Variants in TFPI observed in about 807,000 individuals in gnomAD.
TFPI encodes the protein tissue factor pathway inhibitor.
TFPI carries 15 observed loss-of-function variants against 34.6 expected under a neutral mutation model. That is an observed-to-expected ratio of 0.43 (90% CI 0.29 to 0.67). The LOEUF (loss-of-function observed/expected upper bound fraction) is 0.67. TFPI is among the 30% of genes least tolerant of loss of function. TFPI has a pLI of 0.15. For synonymous variants in TFPI, 105 were observed against 120.1 expected, an observed-to-expected ratio of 0.87 and a Z score of 0.82; for missense variants, 301 against 364.0, an observed-to-expected ratio of 0.83 and a Z score of 1.41.
intron 1 of TFPI, among the ~76,000 whole-genome samples, chr2:187,539,154 A>G (rs553020932): frequency 5.0e-4 from 76 of 152,164 alleles, no homozygotes; most frequent in African/African-American, 1.8e-3. Flanking sequence ...ATGGATTTCA[A>G]TAAACATTAA....
intron 6 of TFPI, among the ~76,000 whole-genome samples, chr2:187,480,545 T>C (rs1692777195): frequency 6.6e-6 from 1 of 152,050 alleles, no homozygotes; most frequent in South Asian, 2.1e-4. Flanking sequence ...GGCTCAAAGG[T>C]TTTTTATCTG....
chr2:187,485,807 C>T (rs1186418030), intron 4 of TFPI, among the ~76,000 whole-genome samples: 1 of 151,588 alleles, frequency 6.6e-6, no homozygotes, highest in Non-Finnish European at 1.5e-5. Context: ...TGCTCACAGG[C>T]GTATTGGGCT....
intron 1 of TFPI, among the ~76,000 whole-genome samples, chr2:187,508,926 G>T (rs1002439731): frequency 1.3e-5 from 2 of 152,126 alleles, no homozygotes; most frequent in East Asian, 3.9e-4. Context: ...GATATTGGCT[G>T]TGAGTTTGTC....
intron 1 of TFPI, among the ~76,000 whole-genome samples, chr2:187,550,146 C>T (rs1689042839): frequency 6.6e-6 from 1 of 152,028 alleles, no homozygotes; most frequent in Admixed American, 6.6e-5. Context: ...GACAGAGTTA[C>T]ACAGAAAGAA....
chr2:187,505,380 T>C (rs1686138528), intron 1 of TFPI, among the ~76,000 whole-genome samples: 1 of 152,112 alleles, frequency 6.6e-6, no homozygotes, highest in Admixed American at 6.6e-5. Flanking sequence ...AGAAACCAGC[T>C]CTGACAAATT....
At chr2:187,549,415 A>G (rs1010166813) in intron 1 of TFPI, among the ~76,000 whole-genome samples, 1 of 152,266 alleles carries the variant, frequency 6.6e-6, no homozygotes, top group Admixed American at 6.5e-5. Flanking sequence ...CTAAAACTCT[A>G]GGTAAATAAC....
In TFPI at chr2:187,516,744, A is replaced by G. The variant is rs193013325; in HGVS notation, c.-2-12974T>C. On this transcript the variant is annotated intron_variant, in intron 1 of 7. Transcript: ENST00000233156. ...CCCAGTGCCACGCCCTGGGCCTGGT[A>G]GTTAAAGATCCACCCCTGACCTAAC... is the stretch of plus-strand genomic sequence containing the variant. The G allele has an allele frequency of 2.6e-5, 4 of 152,326 alleles. No individual in the cohort carries two copies. The East Asian group carries it at 5.8e-4, about 22-fold the overall frequency. 9.4% of individuals were successfully genotyped at this position (152,326 alleles called of 1,614,324 possible). A position where few individuals can be genotyped will look rare whatever the true frequency, so the allele number is the denominator to read the frequency against.
Position 187,513,475 on chromosome 2 carries a change from T to TA in TFPI, c.-2-9706dup, listed in dbSNP as rs1383224689. On this transcript the variant is annotated intron_variant, in intron 1 of 7. Coordinates refer to ENST00000233156, the MANE Select transcript of TFPI (RefSeq NM_006287.6). Reference sequence around the variant, plus strand: ...ACACAAGAAGCATTGTCTAATTTCTTAAAAATTATATACACTTTCCTTTCC... The same window carrying TA: ...ACACAAGAAGCATTGTCTAATTTCTTAAAAAATTATATACACTTTCCTTTCC... 2.6e-5 allele frequency: 4 copies of TA among 152,448 alleles called. No individual in the cohort carries two copies. The East Asian group carries it at 7.7e-4, about 29-fold the overall frequency. The allele number at this position is 152,448 out of a possible 1,614,324, so 9.4% of individuals were successfully genotyped here. A position where few individuals can be genotyped will look rare whatever the true frequency, so the allele number is the denominator to read the frequency against.
chr2:187,515,151 A>G (rs954816612), intron 1 of TFPI: 1 of 152,168 alleles, frequency 6.6e-6, no homozygotes, highest in Non-Finnish European at 1.5e-5. Flanking sequence ...GTTGGCCCCC[A>G]TGTTTGAGGG....
chr2:187,467,084 C>T (rs774671062), intron 7 of TFPI, 42 bp from the exon 8 acceptor site: 28 of 1,239,462 alleles, frequency 2.3e-5, no homozygotes, highest in South Asian at 1.5e-4. Context: ...GATAAAATAA[C>T]ACAATGAAAT....
intron 1 of TFPI, among the ~76,000 whole-genome samples, chr2:187,543,818 G>A (rs959404342): frequency 6.6e-6 from 1 of 152,180 alleles, no homozygotes; most frequent in East Asian, 1.9e-4. Flanking sequence ...TCTCCTTGCT[G>A]TGAATGCAGC....
At chr2:187,485,050 T>G in intron 4 of TFPI, 63 bp from the exon 5 acceptor site, 1 of 1,212,406 alleles carries the variant, frequency 8.2e-7, no homozygotes, top group Non-Finnish European at 1.1e-6. Flanking sequence ...CTGATTTTAA[T>G]AAAATTTATA....
intron 2 of TFPI, among the ~76,000 whole-genome samples, chr2:187,498,810 T>C (rs1260872462): frequency 6.6e-6 from 1 of 151,968 alleles, no homozygotes; most frequent in East Asian, 1.9e-4. Context: ...AGAATTATTA[T>C]GATACGGGGA....
intron 1 of TFPI, chr2:187,513,469 A>G (rs1342958936): frequency 3.9e-5 from 6 of 152,308 alleles, no homozygotes; most frequent in African/African-American, 1.4e-4. Flanking sequence ...GCATTGTCTA[A>G]TTTCTTAAAA....
chr2:187,520,297 G>C (rs527898597), intron 1 of TFPI, among the ~76,000 whole-genome samples: 8 of 152,070 alleles, frequency 5.3e-5, no homozygotes, highest in Non-Finnish European at 1.2e-4. Flanking sequence ...GGAAATCTCC[G>C]GGTCTGTGGG....
At chr2:187,548,628 A>T (rs1328986325) in intron 1 of TFPI, among the ~76,000 whole-genome samples, 1 of 152,094 alleles carries the variant, frequency 6.6e-6, no homozygotes, top group African/African-American at 2.4e-5. Flanking sequence ...TCTGTATTAG[A>T]TGATAATATC....
At chr2:187,512,892 T>G (rs770955285) in intron 1 of TFPI, among the ~76,000 whole-genome samples, 2 of 152,110 alleles carry the variant, frequency 1.3e-5, no homozygotes, top group Non-Finnish European at 2.9e-5. Flanking sequence ...AGTTAACGCA[T>G]GTCAAAGAAT....
chr2:187,506,783 C>T (rs1405869973), intron 1 of TFPI, among the ~76,000 whole-genome samples: 2 of 152,098 alleles, frequency 1.3e-5, no homozygotes, highest in Non-Finnish European at 2.9e-5. Flanking sequence ...CACATTATGA[C>T]AAGGATACAT....
In TFPI at chr2:187,503,704, G is replaced by T. The variant is rs370282385; in HGVS notation, c.65C>A (p.Ala22Asp). ...AGAATCAGCATTAAGAGGGGCAGGG[G>T]CAAGATTAAGCAGCAGGCATACAGA... ...WASVCLLLNL[A>D]PAPLNADSEE... Residue 22 changes from alanine to aspartate, a missense_variant, in exon 2 of 8, where the codon GCC (alanine) becomes GAC (aspartate). By Grantham distance (126) the Ala-to-Asp change is moderately radical. Coordinates refer to ENST00000233156, the MANE Select transcript of TFPI (RefSeq NM_006287.6). 2 of 1,613,128 alleles carry T rather than the reference G, an allele frequency of 1.2e-6. No homozygotes were observed. Among genetic ancestry groups the T allele is most frequent in the East Asian group, 2.2e-5 (1 of 44,814 alleles).
Sources: gnomAD v4.1 joint callset for allele counts (sites outside exome capture counted in the v4.1 genomes callset) on GRCh38, gnomAD v4.1.1 for gene constraint, MANE v1.5 for transcripts, NCBI Gene and HGNC (gene_info 2026-07-23, HGNC 2026-07-21) for gene names.